The following LRRC4C variants were observed in gnomAD, a reference collection of about 807,000 sequenced individuals.
LRRC4C encodes leucine-rich repeat-containing protein 4C.
A neutral mutation model predicts 33.6 loss-of-function variants in LRRC4C; 5 were observed. The observed-to-expected ratio is 0.15, with a 90% CI of 0.08 to 0.31. The LOEUF is 0.31. LRRC4C is among the 10% of genes least tolerant of loss of function. LRRC4C has a pLI of 1.00. For missense variants in LRRC4C, 560 were observed against 796.7 expected (o/e 0.70, Z 3.58); for synonymous variants, 329 against 302.0 (o/e 1.09, Z -0.93).
At chr11:40,993,614 T>C (rs1853748832) in intron 1 of LRRC4C, among the ~76,000 whole-genome samples, 2 of 152,316 alleles carry the variant, frequency 1.3e-5, no homozygotes, top group South Asian at 2.1e-4. Flanking sequence ...GGTTTGAATG[T>C]TTTTATCCCC....
intron 2 of LRRC4C, among the ~76,000 whole-genome samples, chr11:40,665,327 TA>T (rs1943717397): frequency 1.3e-4 from 1 of 7,886 alleles, no homozygotes; most frequent in African/African-American, 3.3e-4. Context: ...AAAAAAAAAA[TA>T]TATATATATA....
intron 3 of LRRC4C, among the ~76,000 whole-genome samples, chr11:40,358,910 G>C: frequency 6.6e-6 from 1 of 152,008 alleles, no homozygotes. Context: ...AATGTGAGCT[G>C]GTGCTGGTTT....
intron 1 of LRRC4C, among the ~76,000 whole-genome samples, chr11:41,100,877 A>T (rs912934767): frequency 1.2e-4 from 18 of 152,192 alleles, no homozygotes; most frequent in African/African-American, 4.3e-4. Context: ...GAGAGCCCAG[A>T]ATTAAAGTTA....
chr11:40,452,375 T>G (rs1428970098), intron 3 of LRRC4C, among the ~76,000 whole-genome samples: 1 of 152,158 alleles, frequency 6.6e-6, no homozygotes, highest in Non-Finnish European at 1.5e-5. Context: ...GTGAAGGATA[T>G]GAACAGACAC....
At chr11:40,326,523 T>C (rs939805470) in intron 3 of LRRC4C, among the ~76,000 whole-genome samples, 1 of 147,582 alleles carries the variant, frequency 6.8e-6, no homozygotes, top group Non-Finnish European at 1.5e-5. Flanking sequence ...ATCATGCCAC[T>C]GCACTCCAGG....
At chr11:41,147,337 T>C (rs1943772149) in intron 1 of LRRC4C, among the ~76,000 whole-genome samples, 1 of 152,196 alleles carries the variant, frequency 6.6e-6, no homozygotes, top group African/African-American at 2.4e-5. Context: ...ATGCCAGTGC[T>C]TATCACCTCG....
intron 2 of LRRC4C, among the ~76,000 whole-genome samples, chr11:40,678,756 T>C (rs1944535147): frequency 6.6e-6 from 1 of 152,244 alleles, no homozygotes; most frequent in East Asian, 1.9e-4. Flanking sequence ...CCCCCAGCCA[T>C]GTGGAACTGT....
At chr11:40,426,951 G>A (rs1221128761) in intron 3 of LRRC4C, among the ~76,000 whole-genome samples, 1 of 152,010 alleles carries the variant, frequency 6.6e-6, no homozygotes, top group African/African-American at 2.4e-5. Flanking sequence ...CATCTGACTT[G>A]TGCTTTCTGT....
At chr11:40,921,921 G>A (rs1957198695) in intron 2 of LRRC4C, among the ~76,000 whole-genome samples, 2 of 152,130 alleles carry the variant, frequency 1.3e-5, no homozygotes, top group South Asian at 4.2e-4. Context: ...TTGAATTTTT[G>A]GAATCCTCTA....
chr11:41,385,503 T>C (rs1429677838), intron 1 of LRRC4C, among the ~76,000 whole-genome samples: 1 of 151,500 alleles, frequency 6.6e-6, no homozygotes, highest in Non-Finnish European at 1.5e-5. Flanking sequence ...AAAAAACACA[T>C]GCATAAATAA....
At chr11:40,253,612 T>G (rs1450131814) in intron 4 of LRRC4C, among the ~76,000 whole-genome samples, 1 of 152,202 alleles carries the variant, frequency 6.6e-6, no homozygotes, top group Non-Finnish European at 1.5e-5. Flanking sequence ...AGGGTGAACA[T>G]GATTTGCTCT....
chr11:40,151,283 G>A (rs1444408837), intron 5 of LRRC4C, among the ~76,000 whole-genome samples: 1 of 152,042 alleles, frequency 6.6e-6, no homozygotes, highest in East Asian at 1.9e-4. Context: ...AAATGTCAGG[G>A]ATTTTTTCCA....
chr11:40,971,497 A>G (rs1448293021), intron 1 of LRRC4C, among the ~76,000 whole-genome samples: 3 of 152,212 alleles, frequency 2.0e-5, no homozygotes, highest in Non-Finnish European at 2.9e-5. Context: ...CAGAGAGCAT[A>G]TGGAAAAGCA....
chr11:40,729,380 C>T lies in LRRC4C; in HGVS notation c.-406-81102G>A, dbSNP rs559629105. On this transcript the variant is annotated intron_variant, in intron 2 of 6. Coordinates refer to ENST00000528697, the MANE Select transcript of LRRC4C (RefSeq NM_001258419.2). ...ATCTGATGGCAAGACAGAGGTAACTCCCATGATATACTTTTATTCCTTCTC... is the reference window on the plus strand; with the variant it reads ...ATCTGATGGCAAGACAGAGGTAACTTCCATGATATACTTTTATTCCTTCTC... Among the ~76,000 whole-genome samples, 3 of 152,244 alleles carry T rather than the reference C, an allele frequency of 2.0e-5. No individual in the cohort carries two copies. The South Asian group carries it at 6.2e-4, about 32-fold the overall frequency.
intron 3 of LRRC4C, among the ~76,000 whole-genome samples, chr11:40,444,777 A>G (rs549785829): frequency 1.8e-4 from 27 of 152,334 alleles, no homozygotes; most frequent in Middle Eastern, 6.8e-3. Flanking sequence ...GTTATATACA[A>G]GGACTGTCAA....
At chr11:40,978,422 T>C (rs1852246505) in intron 1 of LRRC4C, among the ~76,000 whole-genome samples, 1 of 152,182 alleles carries the variant, frequency 6.6e-6, no homozygotes. Context: ...TTTATAATAT[T>C]TGGAGACAAT....
chr11:40,382,273 C>T (rs1445930950), intron 3 of LRRC4C, among the ~76,000 whole-genome samples: 7 of 151,044 alleles, frequency 4.6e-5, no homozygotes, highest in Admixed American at 3.3e-4. Context: ...TGAGCCATCG[C>T]GCCCAGCCGT....
chr11:41,435,179 G>T (rs914425894), intron 1 of LRRC4C, among the ~76,000 whole-genome samples: 2 of 152,140 alleles, frequency 1.3e-5, no homozygotes, highest in Non-Finnish European at 2.9e-5. Flanking sequence ...ATACAGAGCT[G>T]CAGGATTGAA....
intron 2 of LRRC4C, among the ~76,000 whole-genome samples, chr11:40,886,325 C>A (rs1955450518): frequency 6.6e-6 from 1 of 151,170 alleles, no homozygotes; most frequent in Non-Finnish European, 1.5e-5. Flanking sequence ...TACTTCTCAA[C>A]TGGAGAAATA....
Sources: allele counts gnomAD v4.1 joint callset (sites outside exome capture counted in the v4.1 genomes callset), GRCh38; gene constraint gnomAD v4.1.1; transcripts MANE v1.5; gene names NCBI Gene and HGNC (gene_info 2026-07-23, HGNC 2026-07-21).